The following RIPK1 variants were observed in gnomAD, a reference collection of about 807,000 sequenced individuals.
RIPK1 encodes receptor-interacting serine/threonine-protein kinase 1.
In RIPK1, 27 loss-of-function variants were observed where a neutral mutation model predicts 62.4. The observed-to-expected ratio is 0.43, with a 90% confidence interval of 0.32 to 0.60. The LOEUF is 0.60. Ranked by LOEUF, RIPK1 falls within the 20% of genes least tolerant of loss-of-function variation. The pLI, the probability that RIPK1 is intolerant of heterozygous loss-of-function variation, is 0.07. For synonymous variants in RIPK1, 287 were observed against 303.2 expected (o/e 0.95, Z 0.55); for missense variants, 735 against 831.0 (o/e 0.88, Z 1.42).
chr6:3,079,815 A>G (rs1306738674), intron 3 of RIPK1, among the ~76,000 whole-genome samples: 1 of 152,244 alleles, frequency 6.6e-6, no homozygotes, highest in Non-Finnish European at 1.5e-5. Flanking sequence ...TGAAGTAAAC[A>G]TTTTGATTGG....
chr6:3,073,263 T>C (rs1372432213), intron 1 of RIPK1, among the ~76,000 whole-genome samples: 1 of 151,076 alleles, frequency 6.6e-6, no homozygotes, highest in Non-Finnish European at 1.5e-5. Context: ...ATATATTACA[T>C]ATATACATAT....
Position 3,072,160 on chromosome 6 carries a change from A to G in RIPK1, c.-61+3499A>G, listed in dbSNP as rs982398104. Among the ~76,000 whole-genome samples the G allele has an allele frequency of 6.6e-6, 1 of 152,232 alleles. No homozygotes were observed. Among genetic ancestry groups the G allele is most frequent in the African/African-American group, 2.4e-5 (1 of 41,450 alleles). ...AGCTTTGCACATAATCTTTATCAGC[A>G]TCTCTGATTTGATCCCTCAGAGTAA... On this transcript the variant is annotated intron_variant, in intron 1 of 10. Coordinates refer to ENST00000259808, the MANE Select transcript of RIPK1 (RefSeq NM_001354930.2). This position sits in a 1 kb window ranked among gnomAD's most constrained non-coding sequence, Gnocchi z 5.6.
intron 9 of RIPK1, among the ~76,000 whole-genome samples, chr6:3,107,068 T>A (rs780470438): frequency 5.3e-5 from 8 of 151,300 alleles, no homozygotes; most frequent in Non-Finnish European, 1.2e-4. Flanking sequence ...CTGGCTAACA[T>A]GGTAAAACCC....
chr6:3,104,187 C>T, intron 7 of RIPK1, 38 bp from the exon 8 acceptor site: 1 of 884,916 alleles, frequency 1.1e-6, no homozygotes, highest in South Asian at 1.6e-5. Context: ...CTATTTCCTG[C>T]TGTTCACTAA....
Position 3,104,282 on chromosome 6 carries a change from T to G in RIPK1, c.973T>G (p.Cys325Gly), listed in dbSNP as rs759456633. 2 of 1,602,268 alleles carry G rather than the reference T, an allele frequency of 1.2e-6. No individual in the cohort carries two copies. The highest frequency in any genetic ancestry group is 1.1e-5 in the South Asian group (1 of 90,404). ...GAGAATGCAGTCTCTTCAACTTGAT[T>G]GTGTGGCAGTACCTTCAAGCCGGTC... Reference protein sequence around the residue: ...VKRMQSLQLDCVAVPSSRSNS... With the variant: ...VKRMQSLQLDGVAVPSSRSNS... Residue 325 changes from cysteine to glycine, a missense_variant, in exon 8 of 11, where the codon TGT becomes GGT. Cys to Gly is a radical substitution (Grantham distance 159). Around this residue, in one of 2 missense-constraint regions of RIPK1, gnomAD observed 671 missense variants for 726.2 expected, o/e 0.92. Coordinates refer to ENST00000259808, the MANE Select transcript of RIPK1 (RefSeq NM_001354930.2).
At chr6:3,097,769 C>T (rs573678424) in intron 7 of RIPK1, among the ~76,000 whole-genome samples, 10 of 151,524 alleles carry the variant, frequency 6.6e-5, no homozygotes, top group South Asian at 2.1e-4. Context: ...ATGTTTAAAA[C>T]GAATTTATAA....
chr6:3,071,695 CAGA>C (rs1356420127), intron 1 of RIPK1, among the ~76,000 whole-genome samples: 13 of 152,126 alleles, frequency 8.5e-5, no homozygotes, highest in African/African-American at 2.9e-4. Flanking sequence ...GCAGAAGATG[CAGA>C]AGATTAACAG....
At chr6:3,112,396 A>G (rs911396998) in intron 10 of RIPK1, among the ~76,000 whole-genome samples, 1 of 152,218 alleles carries the variant, frequency 6.6e-6, no homozygotes, top group African/African-American at 2.4e-5. Flanking sequence ...TACACCCAGG[A>G]AGGTCTAATA....
intron 7 of RIPK1, 99 bp from the exon 8 acceptor site, chr6:3,104,126 A>G: frequency 1.7e-6 from 1 of 604,490 alleles, no homozygotes; most frequent in Non-Finnish European, 3.0e-6. Context: ...TCTGTGTGAA[A>G]TTTCTACCTT....
intron 3 of RIPK1, among the ~76,000 whole-genome samples, chr6:3,079,693 A>G (rs1223794278): frequency 6.6e-6 from 1 of 152,234 alleles, no homozygotes; most frequent in Non-Finnish European, 1.5e-5. Context: ...CCAAGCCAAC[A>G]GACATCTCAC....
intron 3 of RIPK1, among the ~76,000 whole-genome samples, chr6:3,079,174 G>C (rs1214884713): frequency 6.6e-6 from 1 of 152,082 alleles, no homozygotes; most frequent in Non-Finnish European, 1.5e-5. Context: ...CCACCTCCCT[G>C]GTTCAAGCAA....
intron 9 of RIPK1, among the ~76,000 whole-genome samples, chr6:3,110,139 A>G (rs1050380122): frequency 7.9e-5 from 12 of 151,824 alleles, no homozygotes; most frequent in Non-Finnish European, 1.8e-4. Flanking sequence ...TTTTGGGTAT[A>G]TACTCAGAAA....
intron 5 of RIPK1, 39 bp from the exon 6 acceptor site, chr6:3,085,220 G>A (rs749057609): frequency 1.4e-5 from 23 of 1,612,014 alleles, no homozygotes; most frequent in Non-Finnish European, 1.9e-5. Flanking sequence ...TCCTGCCTGA[G>A]AGAGGAGCAA....
At chr6:3,084,595 T>TG (rs1759590115) in intron 5 of RIPK1, among the ~76,000 whole-genome samples, 1 of 150,504 alleles carries the variant, frequency 6.6e-6, no homozygotes, top group Non-Finnish European at 1.5e-5. Context: ...TACATCCTTT[T>TG]TTTTTTTTTT....
chr6:3,096,021 G>A (rs1156391899), intron 7 of RIPK1, among the ~76,000 whole-genome samples: 6 of 152,070 alleles, frequency 3.9e-5, no homozygotes, highest in Admixed American at 1.3e-4. Flanking sequence ...ATTTTTTGTA[G>A]AGACAGGATT....
intron 7 of RIPK1, among the ~76,000 whole-genome samples, chr6:3,099,673 A>C (rs999205621): frequency 1.3e-5 from 2 of 152,266 alleles, no homozygotes; most frequent in African/African-American, 4.8e-5. Context: ...AGGCAAAATG[A>C]ACCCGTTACA....
chr6:3,066,022 C>T (rs1047637417), upstream of RIPK1, among the ~76,000 whole-genome samples: 3 of 152,080 alleles, frequency 2.0e-5, no homozygotes, highest in Non-Finnish European at 2.9e-5. Context: ...ACGAATGGAA[C>T]GTGGAGTTTT....
At chr6:3,108,506 G>A (rs969365163) in intron 9 of RIPK1, among the ~76,000 whole-genome samples, 11 of 152,180 alleles carry the variant, frequency 7.2e-5, no homozygotes, top group Admixed American at 6.5e-5. Flanking sequence ...GTAAGCCCGC[G>A]GTGAGCGCAG....
chr6:3,102,628 T>G (rs1760639859), intron 7 of RIPK1, among the ~76,000 whole-genome samples: 2 of 152,016 alleles, frequency 1.3e-5, no homozygotes, highest in South Asian at 4.1e-4. Flanking sequence ...TGAGACAGAG[T>G]CTCCCTCTGT....
Sources: allele counts gnomAD v4.1 joint callset (sites outside exome capture counted in the v4.1 genomes callset), GRCh38; gene constraint gnomAD v4.1.1; regional missense constraint gnomAD v4.1.1; non-coding constraint Gnocchi (gnomAD v3.1); transcripts MANE v1.5; gene names NCBI Gene and HGNC (gene_info 2026-07-23, HGNC 2026-07-21).